The following SGCZ variants were observed in gnomAD, a reference collection of about 807,000 sequenced individuals.
The protein encoded by SGCZ is zeta-sarcoglycan.
SGCZ carries 40 observed loss-of-function variants against 41.3 expected under a neutral mutation model. That is an observed-to-expected ratio of 0.97 (90% confidence interval 0.75 to 1.26). The LOEUF (loss-of-function observed/expected upper bound fraction) is 1.26, where lower values mean the gene tolerates loss of function less well. Ranked by LOEUF, SGCZ falls within the 50% of genes most tolerant of loss-of-function variation. The pLI, the probability that SGCZ is intolerant of heterozygous loss-of-function variation, is 0.00. For missense variants in SGCZ, 552 were observed against 369.8 expected (o/e 1.49, Z -4.04); for synonymous variants, 206 against 137.5 (o/e 1.50, Z -3.49).
intron 2 of SGCZ, among the ~76,000 whole-genome samples, chr8:14,504,064 G>C (rs571950583): frequency 6.6e-6 from 1 of 152,030 alleles, no homozygotes; most frequent in African/African-American, 2.4e-5. Flanking sequence ...TTTTTCCAAA[G>C]AGTTCTTCCC....
chr8:14,814,691 G>T (rs908052234), intron 1 of SGCZ, among the ~76,000 whole-genome samples: 1 of 152,130 alleles, frequency 6.6e-6, no homozygotes, highest in African/African-American at 2.4e-5. Flanking sequence ...GGAACTTGGA[G>T]AATTTTTTGT....
chr8:14,845,287 C>A (rs1344949960), intron 1 of SGCZ, among the ~76,000 whole-genome samples: 4 of 152,124 alleles, frequency 2.6e-5, no homozygotes, highest in African/African-American at 4.8e-5. Flanking sequence ...TATTCCTACA[C>A]TGAGTACTGC....
Position 14,489,610 on chromosome 8 carries a change from G to C in SGCZ, c.234+65122C>G, listed in dbSNP as rs187868130. ...CAAAACAGAGGTACTAAAAAATAAT[G>C]ATGTTGTGAAAATAAAGTATTGCCA... is the stretch of plus-strand genomic sequence containing the variant. On this transcript the variant is annotated intron_variant, in intron 2 of 7. Transcript: ENST00000382080. 1.3e-3 allele frequency among the ~76,000 whole-genome samples: 204 copies of C among 151,982 alleles called. 1 individual carries two copies. The highest frequency in any genetic ancestry group is 4.5e-3 in the African/African-American group (185 of 41,436).
chr8:15,076,646 A>C (rs1805541682), intron 1 of SGCZ, among the ~76,000 whole-genome samples: 1 of 151,860 alleles, frequency 6.6e-6, no homozygotes, highest in African/African-American at 2.4e-5. Context: ...ACCACCACCA[A>C]TCCCAAACCA....
At chr8:14,136,996 G>A (rs143124711) in intron 5 of SGCZ, among the ~76,000 whole-genome samples, 31 of 152,336 alleles carry the variant, frequency 2.0e-4, no homozygotes, top group African/African-American at 7.2e-4. Context: ...AATATTTGCT[G>A]TTCTGCAGCC....
chr8:14,110,695 A>T (rs1004605461), intron 5 of SGCZ, among the ~76,000 whole-genome samples: 3 of 152,144 alleles, frequency 2.0e-5, no homozygotes, highest in Non-Finnish European at 4.4e-5. Context: ...GATAATCTTA[A>T]AGGAAATCAG....
At chr8:14,320,365 T>G (rs1402483476) in intron 3 of SGCZ, among the ~76,000 whole-genome samples, 1 of 151,762 alleles carries the variant, frequency 6.6e-6, no homozygotes, top group African/African-American at 2.4e-5. Context: ...GTAAGGAGAT[T>G]AGCATGTCAT....
At chr8:14,702,728 C>A (rs1563212592) in intron 1 of SGCZ, among the ~76,000 whole-genome samples, 1 of 107,934 alleles carries the variant, frequency 9.3e-6, no homozygotes, top group African/African-American at 4.0e-5. Flanking sequence ...CTGCTGGCTT[C>A]AATGATAGAT....
chr8:14,607,691 C>T (rs1045213427), intron 1 of SGCZ, among the ~76,000 whole-genome samples: 2 of 151,520 alleles, frequency 1.3e-5, no homozygotes, highest in Non-Finnish European at 3.0e-5. Flanking sequence ...TTGATCTCAA[C>T]TCGTGGGATC....
chr8:14,969,321 T>C (rs1301341834), intron 1 of SGCZ, among the ~76,000 whole-genome samples: 1 of 152,164 alleles, frequency 6.6e-6, no homozygotes, highest in African/African-American at 2.4e-5. Context: ...TGCAGAGGAC[T>C]ACACACTGAA....
intron 1 of SGCZ, among the ~76,000 whole-genome samples, chr8:14,718,549 T>C (rs566761492): frequency 2.6e-5 from 4 of 152,082 alleles, no homozygotes; most frequent in East Asian, 1.9e-4. Flanking sequence ...CTAATGGCTG[T>C]GGACGCAAAC....
At chr8:14,265,710 C>T (rs1216444778) in intron 3 of SGCZ, among the ~76,000 whole-genome samples, 1 of 149,952 alleles carries the variant, frequency 6.7e-6, no homozygotes, top group Non-Finnish European at 1.5e-5. Flanking sequence ...TCAACATGGT[C>T]CAAGAAAATG....
intron 2 of SGCZ, among the ~76,000 whole-genome samples, chr8:14,551,490 T>TATATATTATATATATA (rs1803824474): frequency 3.7e-4 from 1 of 2,670 alleles, no homozygotes; most frequent in Non-Finnish European, 6.6e-4. Flanking sequence ...TTATATATAT[T>TATATATTATATATATA]ATATATATTA....
At chr8:14,624,753 T>C (rs1296107677) in intron 1 of SGCZ, among the ~76,000 whole-genome samples, 3 of 151,594 alleles carry the variant, frequency 2.0e-5, no homozygotes, top group African/African-American at 7.3e-5. Flanking sequence ...GTATTTTTAG[T>C]AGAGACGGGG....
chr8:14,418,165 A>G (rs907024940), intron 2 of SGCZ, among the ~76,000 whole-genome samples: 4 of 151,904 alleles, frequency 2.6e-5, no homozygotes, highest in African/African-American at 9.7e-5. Context: ...GAAATTTTAC[A>G]TATTAAGAAA....
intron 1 of SGCZ, among the ~76,000 whole-genome samples, chr8:14,991,930 C>T (rs1347436379): frequency 6.6e-6 from 1 of 151,802 alleles, no homozygotes; most frequent in Non-Finnish European, 1.5e-5. Context: ...CAGTGTTACC[C>T]TTGAATTTTA....
intron 5 of SGCZ, among the ~76,000 whole-genome samples, chr8:14,125,355 T>A (rs1447789073): frequency 1.3e-5 from 2 of 151,778 alleles, no homozygotes; most frequent in Admixed American, 6.6e-5. Flanking sequence ...TACAAAAAAA[T>A]TAGCTGCGTA....
At chr8:14,912,359 A>T (rs1799302192) in intron 1 of SGCZ, among the ~76,000 whole-genome samples, 1 of 152,040 alleles carries the variant, frequency 6.6e-6, no homozygotes, top group Non-Finnish European at 1.5e-5. Context: ...TTCCCAATAG[A>T]CACAATTTAT....
intron 2 of SGCZ, among the ~76,000 whole-genome samples, chr8:14,326,130 A>AAAAAAAAAAAAAAAAAT (rs1802103306): frequency 1.3e-5 from 2 of 148,490 alleles, no homozygotes; most frequent in African/African-American, 2.5e-5. Context: ...AAAAAAAAAA[A>AAAAAAAAAAAAAAAAAT]GATGAGGACG....
Sources: gnomAD v4.1 joint callset for allele counts (sites outside exome capture counted in the v4.1 genomes callset) on GRCh38, gnomAD v4.1.1 for gene constraint, MANE v1.5 for transcripts, NCBI Gene and HGNC (gene_info 2026-07-23, HGNC 2026-07-21) for gene names.